RSRP1: variants seen among roughly 807,000 people sequenced by gnomAD.
The protein encoded by RSRP1 is arginine and serine rich protein 1.
In RSRP1, 37 loss-of-function variants were observed where a neutral mutation model predicts 33.0. The ratio of observed to expected loss-of-function variants is 1.12; its 90% CI spans 0.86 to 1.48. The LOEUF is 1.48. RSRP1 is among the 40% of genes most tolerant of loss of function. RSRP1 has a pLI of 0.00. For missense variants in RSRP1, 402 were observed against 385.3 expected (o/e 1.04, Z -0.36); for synonymous variants, 167 against 158.7 (o/e 1.05, Z -0.40).
At chr1:25,269,868 A>C (rs1640440581) in intron 1 of RSRP1, among the ~76,000 whole-genome samples, 1 of 132,556 alleles carries the variant, frequency 7.5e-6, no homozygotes, top group Admixed American at 7.3e-5. Flanking sequence ...ATCAGGACGC[A>C]CAGGGATTTG....
rs1643357499 is a variant in RSRP1, at chr1:25,301,151, A to G, written c.-67+36827T>C. On this transcript the variant is annotated intron_variant, in intron 1 of 1. Transcript: ENST00000561867. Reference sequence around the variant, plus strand: ...TTGGGCTGAGCAGAATGGCTCAGAAAAGGCTCTGGCTGAAAAAATCTCCCT... The same window carrying G: ...TTGGGCTGAGCAGAATGGCTCAGAAGAGGCTCTGGCTGAAAAAATCTCCCT... 34 of 1,328,718 alleles carry G rather than the reference A, an allele frequency of 2.6e-5. 9 individuals carry two copies. Among genetic ancestry groups the G allele is most frequent in the Non-Finnish European group, 3.5e-5 (33 of 936,360 alleles). The allele number at this position is 1,328,718 out of a possible 1,614,324, so 82.3% of individuals were successfully genotyped here. A position where few individuals can be genotyped will look rare whatever the true frequency, so the allele number is the denominator to read the frequency against.
rs1643915400 is a variant in RSRP1, at chr1:25,307,592, C to A, written c.-67+30386G>T. The A allele has an allele frequency of 1.3e-5, 10 of 774,314 alleles. 1 individual carries two copies. Among genetic ancestry groups the A allele is most frequent in the Middle Eastern group, 3.3e-4 (1 of 3,050 alleles). The allele number at this position is 774,314 out of a possible 1,614,324, so 48.0% of individuals were successfully genotyped here. A position where few individuals can be genotyped will look rare whatever the true frequency, so the allele number is the denominator to read the frequency against. On this transcript the variant is annotated intron_variant, in intron 1 of 1. Transcript: ENST00000561867. Reference sequence around the variant, plus strand: ...CTCCTTGAATTCTCACAACCGCCTACTGAGGTATTCTCAGACTCTAAGAAA... The same window carrying A: ...CTCCTTGAATTCTCACAACCGCCTAATGAGGTATTCTCAGACTCTAAGAAA...
rs1640349877 is a variant in RSRP1 at position 25,267,639 on chromosome 1, C to G, written c.-66-20610G>C. 5.4e-5 allele frequency: 7 copies of G among 128,514 alleles called. 2 individuals are homozygous for G. Among genetic ancestry groups the G allele is most frequent in the Admixed American group, 5.2e-4 (7 of 13,350 alleles). 8.0% of individuals were successfully genotyped at this position (128,514 alleles called of 1,614,324 possible). On this transcript the variant is annotated intron_variant, in intron 1 of 1. Coordinates refer to the RSRP1 transcript ENST00000561867. ...TGAGTAGCGCTGTGTGGCCGCAAAC[C>G]TGAACCCACCTTTTGCACCACGCGG...
chr1:25,243,274 A>G (rs1459944640), intron 4 of RSRP1, among the ~76,000 whole-genome samples: 1 of 152,198 alleles, frequency 6.6e-6, no homozygotes, highest in Admixed American at 6.5e-5. Context: ...CATTGTGATT[A>G]AGGAGTATTC....
intron 1 of RSRP1, chr1:25,284,451 A>G (rs1440088206): frequency 1.7e-5 from 17 of 987,914 alleles, no homozygotes; most frequent in Non-Finnish European, 2.6e-5. Context: ...TAACTTGACC[A>G]AATACTTGTA....
At chr1:25,272,545 A>G (rs1466187893) in intron 1 of RSRP1, 2 of 1,577,554 alleles carry the variant, frequency 1.3e-6, no homozygotes, top group East Asian at 4.5e-5. Flanking sequence ...AGACGGACAC[A>G]GGATGAGCTC....
intron 1 of RSRP1, among the ~76,000 whole-genome samples, chr1:25,314,781 G>A (rs75803851): frequency 1.5e-5 from 2 of 132,170 alleles, no homozygotes; most frequent in African/African-American, 5.1e-5. Flanking sequence ...CAGGATTACA[G>A]GTGTGAGCCA....
In RSRP1 at chr1:25,306,604, T is replaced by C. The variant is rs775144590; in HGVS notation, c.-67+31374A>G. ...ATAACACTTGTCCACAGGGGTGTTG[T>C]AACCGAGTGCTGGGGATTCCCCACA... On this transcript the variant is annotated intron_variant, in intron 1 of 1. Coordinates refer to the RSRP1 transcript ENST00000561867. 17 of 1,378,348 alleles carry C rather than the reference T, an allele frequency of 1.2e-5. 4 individuals carry two copies. Among genetic ancestry groups the C allele is most frequent in the Non-Finnish European group, 1.7e-5 (17 of 978,646 alleles). 85.4% of individuals were successfully genotyped at this position (1,378,348 alleles called of 1,614,324 possible). A position where few individuals can be genotyped will look rare whatever the true frequency, so the allele number is the denominator to read the frequency against.
In RSRP1 at chr1:25,269,528, A is replaced by G. The variant is rs2478018; in HGVS notation, c.-66-22499T>C. Among the ~76,000 whole-genome samples, 1,256 of 132,920 alleles carry G rather than the reference A, an allele frequency of 9.4e-3. 313 individuals are homozygous for G. The highest frequency in any genetic ancestry group is 0.018 in the Non-Finnish European group (981 of 55,964). 87.2% of individuals were successfully genotyped at this position (132,920 alleles called of 152,430 possible). A position where few individuals can be genotyped will look rare whatever the true frequency, so the allele number is the denominator to read the frequency against. The stretch of plus-strand genomic sequence containing the variant: ...CCAAAAAAAGTTGAAAGACTTGTAC[A>G]GTGAAAAGCCATACATCTCACAGCT... On this transcript the variant is annotated intron_variant, in intron 1 of 1. Coordinates refer to the RSRP1 transcript ENST00000561867.
chr1:25,246,647 C>G lies in RSRP1; in HGVS notation c.317G>C (p.Arg106Pro). 1 of 1,614,058 alleles carries G rather than the reference C, an allele frequency of 6.2e-7. No individual in the cohort carries two copies. Among genetic ancestry groups the G allele is most frequent in the Non-Finnish European group, 8.5e-7 (1 of 1,180,018 alleles). ...CCGGGACCGGTACCGCGAAGGAGAC[C>G]GGTAGTATCTCCTGGTGAACCCGTA... ...RRYGFTRRYY[R>P]SPSRYRSRSR... is the part of the protein sequence containing the mutation. Residue 106 changes from arginine to proline, a missense_variant, in exon 2 of 5, where the codon CGG (arginine) becomes CCG (proline). Coordinates refer to ENST00000243189, the MANE Select transcript of RSRP1 (RefSeq NM_020317.5).
intron 3 of RSRP1, chr1:25,243,955 G>C: frequency 8.7e-7 from 1 of 1,148,350 alleles, no homozygotes; most frequent in Non-Finnish European, 1.1e-6. Context: ...AGAAACTAAG[G>C]CATTTGCCAG....
Position 25,262,347 on chromosome 1 carries a change from A to G in RSRP1, c.-66-15318T>C, listed in dbSNP as rs1640183524. On this transcript the variant is annotated intron_variant, in intron 1 of 1. Transcript: ENST00000561867. ...AAGATACAGCAGTAAACAAATGGAT[A>G]AAGTCCCTGTCCTCATGAAACTTGT... Among the ~76,000 whole-genome samples the G allele has an allele frequency of 2.0e-5, 3 of 152,230 alleles. No homozygotes were observed. The South Asian group carries it at 6.2e-4, about 32-fold the overall frequency.
chr1:25,250,753 G>A (rs1346364327), upstream of RSRP1, among the ~76,000 whole-genome samples: 1 of 152,206 alleles, frequency 6.6e-6, no homozygotes, highest in Non-Finnish European at 1.5e-5. Flanking sequence ...GCTCACGCCT[G>A]TAATCCCAGC....
rs368875262 is a variant in RSRP1 at position 25,287,154 on chromosome 1, C to T, written c.-66-40125G>A. 6.7e-5 allele frequency among the ~76,000 whole-genome samples: 9 copies of T among 134,824 alleles called. 1 individual carries two copies. Among genetic ancestry groups the T allele is most frequent in the Admixed American group, 1.4e-4 (2 of 14,012 alleles). The allele number at this position is 134,824 out of a possible 152,430, so 88.4% of individuals were successfully genotyped here. On this transcript the variant is annotated intron_variant, in intron 1 of 1. Coordinates refer to the RSRP1 transcript ENST00000561867. Reference sequence around the variant, plus strand: ...TTCCCACCAGAATTCAATACACACACGCACACATGCACGCATACACACACT... The same window carrying T: ...TTCCCACCAGAATTCAATACACACATGCACACATGCACGCATACACACACT...
chr1:25,247,172 C>T, intron 1 of RSRP1, 137 bp downstream of exon 1: 3 of 514,696 alleles, frequency 5.8e-6, no homozygotes, highest in Non-Finnish European at 1.0e-5. Context: ...CCTAGAAACC[C>T]CGCTCGGCGC....
chr1:25,244,377 C>A, intron 3 of RSRP1: 1 of 1,289,084 alleles, frequency 7.8e-7, no homozygotes, highest in Non-Finnish European at 1.0e-6. Context: ...GATCTACCAA[C>A]AAAAAAACTA....
chr1:25,299,906 C>T (rs1196881829), intron 1 of RSRP1, among the ~76,000 whole-genome samples: 3 of 130,970 alleles, frequency 2.3e-5, no homozygotes, highest in Non-Finnish European at 1.8e-5. Flanking sequence ...AGCATCACCA[C>T]GCCTGGCTAA....
intron 1 of RSRP1, among the ~76,000 whole-genome samples, chr1:25,263,071 G>A (rs1243187837): frequency 6.6e-6 from 1 of 152,210 alleles, no homozygotes; most frequent in Non-Finnish European, 1.5e-5. Context: ...GCTCTCTGAA[G>A]AGGTTAATAT....
At chr1:25,266,218 A>G (rs1203669615) in intron 1 of RSRP1, 1 of 132,294 alleles carries the variant, frequency 7.6e-6, no homozygotes, top group Non-Finnish European at 1.8e-5. Flanking sequence ...GAGTAATATA[A>G]AGATGCTCAC....
Sources: allele counts gnomAD v4.1 joint callset (sites outside exome capture counted in the v4.1 genomes callset), GRCh38; gene constraint gnomAD v4.1.1; transcripts MANE v1.5; gene names NCBI Gene and HGNC (gene_info 2026-07-23, HGNC 2026-07-21).